The following ZNF236 variants were observed in gnomAD, a reference collection of about 807,000 sequenced individuals.
The protein encoded by ZNF236 is regulated by glucose.
ZNF236 carries 50 observed loss-of-function variants against 191.2 expected under a neutral mutation model. The observed-to-expected ratio is 0.26, with a 90% CI of 0.21 to 0.33. The LOEUF (loss-of-function observed/expected upper bound fraction) is 0.33. ZNF236 is among the 10% of genes least tolerant of loss of function. The pLI is 1.00. For missense variants in ZNF236, 1,754 were observed against 2,374.5 expected (o/e 0.74, Z 5.43); for synonymous variants, 907 against 928.8 (o/e 0.98, Z 0.43).
rs769940044 is a variant in ZNF236, at chr18:76,960,327, C to G, written c.5243-352C>G. Reference sequence around the variant, plus strand: ...TGCCTCTTGACTGTACATGATAGCTCGTGTCAGCCCTTCCGTCTCCGCCCT... The same window carrying G: ...TGCCTCTTGACTGTACATGATAGCTGGTGTCAGCCCTTCCGTCTCCGCCCT... On this transcript the variant is annotated intron_variant, in intron 29 of 30. Coordinates refer to ENST00000320610, the MANE Select transcript of ZNF236 (RefSeq NM_001306089.2). This position sits in a 1 kb window ranked among gnomAD's most constrained non-coding sequence, Gnocchi z 4.4. Among the ~76,000 whole-genome samples, 4 of 152,176 alleles carry G rather than the reference C, an allele frequency of 2.6e-5. No homozygotes were observed. Among genetic ancestry groups the G allele is most frequent in the Non-Finnish European group, 4.4e-5 (3 of 68,028 alleles).
Position 76,875,719 on chromosome 18 carries a change from T to C in ZNF236, c.840+55T>C, listed in dbSNP as rs975087104. On this transcript the variant is annotated intron_variant, in intron 6 of 30. Transcript: ENST00000320610. This position sits in a 1 kb window ranked among gnomAD's most constrained non-coding sequence, Gnocchi z 4.3. ...TTTCACAGGGGACAGTAGGTATCTTTTGGGTTAATAAACGGACCTGAGAAA... is the reference window on the plus strand; with the variant it reads ...TTTCACAGGGGACAGTAGGTATCTTCTGGGTTAATAAACGGACCTGAGAAA... The C allele has an allele frequency of 3.7e-6, 5 of 1,357,392 alleles. No homozygotes were observed. The Admixed American group carries it at 1.4e-4, about 39-fold the overall frequency. 84.1% of individuals were successfully genotyped at this position (1,357,392 alleles called of 1,614,324 possible).
rs540424058 is a variant in ZNF236 at position 76,918,443 on chromosome 18, G to A, written c.3275-1333G>A. On this transcript the variant is annotated intron_variant, in intron 19 of 30. Coordinates refer to ENST00000320610, the MANE Select transcript of ZNF236 (RefSeq NM_001306089.2). ...TGTAAATAGTTTGGGGTTCTTTTGAGAAACAGGGTCTCACTCTGTCACCCA... is the reference window on the plus strand; with the variant it reads ...TGTAAATAGTTTGGGGTTCTTTTGAAAAACAGGGTCTCACTCTGTCACCCA... Among the ~76,000 whole-genome samples the A allele has an allele frequency of 3.3e-3, 507 of 152,234 alleles. 3 individuals carry two copies. The highest frequency in any genetic ancestry group is 5.4e-3 in the Admixed American group (82 of 15,292).
intron 10 of ZNF236, among the ~76,000 whole-genome samples, chr18:76,895,888 C>G (rs1031411673): frequency 6.8e-6 from 1 of 147,200 alleles, no homozygotes; most frequent in African/African-American, 2.4e-5. Flanking sequence ...AGTGCTGTAC[C>G]CACACTGGTA....
At chr18:76,824,810 G>T (rs1443850460) in intron 1 of ZNF236, among the ~76,000 whole-genome samples, 1 of 152,030 alleles carries the variant, frequency 6.6e-6, no homozygotes, top group Non-Finnish European at 1.5e-5. Flanking sequence ...ATTTCCAGTG[G>T]GCCCTCCTCT....
intron 3 of ZNF236, among the ~76,000 whole-genome samples, chr18:76,863,295 A>G (rs190950145): frequency 2.2e-4 from 34 of 152,266 alleles, no homozygotes; most frequent in Admixed American, 7.2e-4. Flanking sequence ...TTGAAGAAAT[A>G]ATGGCTGAAA....
intron 1 of ZNF236, among the ~76,000 whole-genome samples, chr18:76,827,786 C>A (rs981650460): frequency 6.6e-6 from 1 of 152,198 alleles, no homozygotes; most frequent in Non-Finnish European, 1.5e-5. Context: ...GTGTCCCTGG[C>A]ACTATCCTGG....
chr18:76,862,640 A>G (rs1976275482), intron 3 of ZNF236, among the ~76,000 whole-genome samples: 1 of 151,966 alleles, frequency 6.6e-6, no homozygotes, highest in Non-Finnish European at 1.5e-5. Context: ...TCCACTAGGG[A>G]GTTGGGCCTC....
rs1246083789 is a variant in ZNF236 at position 76,904,428 on chromosome 18, A to G, written c.1943A>G (p.Asn648Ser). ...PKNQFFQSYFNNNFVNEADRP... is the reference protein window; with the variant it reads ...PKNQFFQSYFSNNFVNEADRP... ...AACCAGTTTTTCCAAAGCTATTTCA[A>G]TAATAATTTTGTCAATGAAGCAGAT... The change falls in exon 12 of 31, where the codon AAT (asparagine) becomes AGT (serine). Residue 648 changes from asparagine (N) to serine (S), a missense_variant. Physicochemically the swap from Asn to Ser is conservative, Grantham distance 46 (BLOSUM62 1). This residue lies in a region of ZNF236 where 641 missense variants were observed against 869.6 expected (regional missense o/e 0.74). Coordinates refer to ENST00000320610, the MANE Select transcript of ZNF236 (RefSeq NM_001306089.2). 9.9e-6 allele frequency: 16 copies of G among 1,610,236 alleles called. No individual in the cohort carries two copies. The highest frequency in any genetic ancestry group is 1.3e-5 in the Non-Finnish European group (15 of 1,178,490).
chr18:76,908,706 A>G, intron 14 of ZNF236, 133 bp downstream of exon 14: 5 of 1,172,428 alleles, frequency 4.3e-6, no homozygotes, highest in African/African-American at 1.5e-5. Context: ...AAGAGATTGA[A>G]TTGAGTATTT....
Position 76,899,165 on chromosome 18 carries a change from A to G in ZNF236, c.1837A>G (p.Thr613Ala), listed in dbSNP as rs1161382290. 2 of 1,614,076 alleles carry G rather than the reference A, an allele frequency of 1.2e-6. No individual in the cohort carries two copies. The highest frequency in any genetic ancestry group is 2.7e-5 in the African/African-American group (2 of 74,948). The change falls in exon 11 of 31, where the codon ACG becomes GCG. Residue 613 changes from threonine (T) to alanine (A), a missense_variant. By Grantham distance (58) the Thr-to-Ala change is moderately conservative (BLOSUM62 0). Transcript: ENST00000320610. ...ACCTGCAAAGGTCCGTGTTGGCAAG[A>G]CGAATATTCCAGTCCCTGATATTCC... ...RKPAKVRVGK[T>A]NIPVPDIPLQ...
intron 9 of ZNF236, among the ~76,000 whole-genome samples, chr18:76,892,687 C>T (rs1038339058): frequency 6.6e-6 from 1 of 152,188 alleles, no homozygotes. Flanking sequence ...CCTGCCTCAG[C>T]CTCCTGAGTA....
chr18:76,856,816 C>T (rs775846671), intron 3 of ZNF236, among the ~76,000 whole-genome samples: 7 of 152,142 alleles, frequency 4.6e-5, no homozygotes, highest in African/African-American at 4.8e-5. Flanking sequence ...TTTAAATTGT[C>T]ATGGACTCAA....
intron 1 of ZNF236, among the ~76,000 whole-genome samples, chr18:76,836,345 C>A (rs1568186985): frequency 2.0e-5 from 3 of 152,026 alleles, no homozygotes; most frequent in Admixed American, 1.3e-4. Flanking sequence ...CTCAGTCTCC[C>A]AAGTAGCTGG....
chr18:76,836,221 A>AT (rs998545544), intron 1 of ZNF236, among the ~76,000 whole-genome samples: 1 of 150,842 alleles, frequency 6.6e-6, no homozygotes, highest in Non-Finnish European at 1.5e-5. Context: ...AGTCTTTATA[A>AT]TTTTTTTTTC....
intron 26 of ZNF236, among the ~76,000 whole-genome samples, chr18:76,947,183 C>T (rs955327372): frequency 1.3e-5 from 2 of 152,164 alleles, no homozygotes; most frequent in African/African-American, 4.8e-5. Flanking sequence ...AGAGTATTTC[C>T]AAGGCTCCTC....
intron 1 of ZNF236, among the ~76,000 whole-genome samples, chr18:76,822,925 C>T (rs1012199722): frequency 3.8e-4 from 57 of 148,182 alleles, no homozygotes; most frequent in Admixed American, 1.5e-3. Context: ...AGGCGGGAGG[C>T]GGGTGAGGGA....
intron 26 of ZNF236, among the ~76,000 whole-genome samples, chr18:76,945,901 T>TA (rs1378621798): frequency 6.6e-6 from 1 of 152,228 alleles, no homozygotes; most frequent in Non-Finnish European, 1.5e-5. Flanking sequence ...ATATGGGAAG[T>TA]AAGGAACCCA....
At chr18:76,860,344 G>A (rs1436780978) in intron 3 of ZNF236, among the ~76,000 whole-genome samples, 1 of 152,204 alleles carries the variant, frequency 6.6e-6, no homozygotes, top group East Asian at 1.9e-4. Context: ...GAGCTTTACC[G>A]TTTTCCATTC....
chr18:76,834,049 A>G (rs371170670), intron 1 of ZNF236, among the ~76,000 whole-genome samples: 5 of 152,210 alleles, frequency 3.3e-5, no homozygotes, highest in South Asian at 4.1e-4. Flanking sequence ...AAGACAACTG[A>G]AGTTTAAAAT....
Sources: allele counts gnomAD v4.1 joint callset (sites outside exome capture counted in the v4.1 genomes callset), GRCh38; gene constraint gnomAD v4.1.1; regional missense constraint gnomAD v4.1.1; non-coding constraint Gnocchi (gnomAD v3.1); transcripts MANE v1.5; gene names NCBI Gene and HGNC (gene_info 2026-07-23, HGNC 2026-07-21).